CDC14A: variants seen among roughly 807,000 people sequenced by gnomAD.
CDC14A encodes the protein cell division cycle 14A.
Under a neutral mutation model 74.4 loss-of-function variants are expected in CDC14A, and 53 were observed. That is an observed-to-expected ratio of 0.71 (90% CI 0.57 to 0.89). The LOEUF (loss-of-function observed/expected upper bound fraction) is 0.89, where lower values mean the gene tolerates loss of function less well. CDC14A is among the 40% of genes least tolerant of loss of function. The probability of loss-of-function intolerance (pLI) is 0.00; values close to 1 mark genes in which losing one functional copy is unlikely to be tolerated. For synonymous variants in CDC14A, 247 were observed against 258.4 expected, an observed-to-expected ratio of 0.96 and a Z score of 0.43; for missense variants, 646 against 713.7, an observed-to-expected ratio of 0.91 and a Z score of 1.08.
intron 15 of CDC14A, among the ~76,000 whole-genome samples, chr1:100,513,757 G>T (rs1429948615): frequency 3.3e-5 from 5 of 152,080 alleles, no homozygotes; most frequent in African/African-American, 1.2e-4. Flanking sequence ...AAATTTTAAA[G>T]TTACTACCTA....
At chr1:100,370,513 TCATTC>T (rs1394775583) in intron 2 of CDC14A, among the ~76,000 whole-genome samples, 2 of 152,232 alleles carry the variant, frequency 1.3e-5, no homozygotes, top group Non-Finnish European at 2.9e-5. Flanking sequence ...GAGACCAGTT[TCATTC>T]TTTTGCATTT....
At chr1:100,389,251 A>G (rs1193242914) in intron 3 of CDC14A, among the ~76,000 whole-genome samples, 1 of 149,580 alleles carries the variant, frequency 6.7e-6, no homozygotes. Flanking sequence ...TGATTCTAGG[A>G]GTTCGAGACC....
intron 5 of CDC14A, among the ~76,000 whole-genome samples, chr1:100,439,124 TTAAA>T (rs1273755949): frequency 3.9e-5 from 6 of 152,216 alleles, no homozygotes; most frequent in African/African-American, 9.6e-5. Context: ...CTCTAAAAAC[TTAAA>T]TAAAGTATGA....
rs1005252549 is a variant in CDC14A, at chr1:100,508,387, T to C, written c.1755+9125T>C. On this transcript the variant is annotated intron_variant, in intron 15 of 15. Transcript: ENST00000336454. This position sits in a 1 kb window ranked among gnomAD's most constrained non-coding sequence, Gnocchi z 4.4. Reference sequence around the variant, plus strand: ...TATTTGCATTTCATCCTGTGAGAGTTTGCCTTGTGGTTGCATACTTCGTCA... The same window carrying C: ...TATTTGCATTTCATCCTGTGAGAGTCTGCCTTGTGGTTGCATACTTCGTCA... Among the ~76,000 whole-genome samples the C allele has an allele frequency of 6.6e-6, 1 of 152,158 alleles. No homozygotes were observed. Among genetic ancestry groups the C allele is most frequent in the Non-Finnish European group, 1.5e-5 (1 of 68,018 alleles).
At chr1:100,420,057 C>CATATATATATATATATATAT (rs1383225482) in intron 4 of CDC14A, among the ~76,000 whole-genome samples, 3 of 30,562 alleles carry the variant, frequency 9.8e-5, no homozygotes, top group Admixed American at 7.7e-4. Context: ...CACACACACA[C>CATATATATATATATATATAT]ACACACATAT....
rs972298578 is a variant in CDC14A, at chr1:100,442,355, A to G, written c.457-579A>G. Among the ~76,000 whole-genome samples the G allele has an allele frequency of 8.6e-4, 126 of 146,400 alleles. 1 individual carries two copies. Among genetic ancestry groups the G allele is most frequent in the African/African-American group, 3.0e-3 (122 of 40,228 alleles). ...TATGTATTATATATAAATATACTAT[A>G]TTATATATAGTATATATAAATATAT... On this transcript the variant is annotated intron_variant, in intron 6 of 15. Transcript: ENST00000336454.
At chr1:100,503,970 C>T (rs1021700042) in intron 15 of CDC14A, among the ~76,000 whole-genome samples, 1 of 152,196 alleles carries the variant, frequency 6.6e-6, no homozygotes, top group African/African-American at 2.4e-5. Context: ...CTCCCATAAG[C>T]CTCTCTACAT....
At position 100,518,536 on chromosome 1, in the gene CDC14A, T is replaced by C. The variant is rs10783134; in HGVS notation, c.*256T>C. On this transcript the variant is annotated 3_prime_UTR_variant, in exon 16 of 16. Coordinates refer to ENST00000336454, the MANE Select transcript of CDC14A (RefSeq NM_003672.4). ...GACAGTTTTAATGTTGAATTTGGTA[T>C]TTTGAAGGGTTATTTTTAATGTATT... The C allele has an allele frequency of 0.93, 352,197 of 379,126 alleles. 167,697 individuals are homozygous for C. The highest frequency in any genetic ancestry group is 1 in the Non-Finnish European group (207,501 of 208,504). The allele number at this position is 379,126 out of a possible 1,614,324, so 23.5% of individuals were successfully genotyped here.
chr1:100,406,401 A>AT (rs1383434964), intron 4 of CDC14A, among the ~76,000 whole-genome samples: 1 of 151,886 alleles, frequency 6.6e-6, no homozygotes, highest in Non-Finnish European at 1.5e-5. Context: ...CCATTTGTCA[A>AT]TTTTTTCTTT....
chr1:100,511,921 C>A (rs1300249898), intron 15 of CDC14A, among the ~76,000 whole-genome samples: 1 of 152,176 alleles, frequency 6.6e-6, no homozygotes, highest in Non-Finnish European at 1.5e-5. Flanking sequence ...ACTCTGCCTA[C>A]TGGGTCAAGT....
intron 7 of CDC14A, among the ~76,000 whole-genome samples, chr1:100,447,608 G>T (rs1470410628): frequency 3.9e-5 from 6 of 152,178 alleles, no homozygotes; most frequent in Admixed American, 3.9e-4. Context: ...TTCAAATCTA[G>T]TTCAGAAAAA....
chr1:100,365,844 C>A (rs1468476796), intron 2 of CDC14A, among the ~76,000 whole-genome samples: 1 of 151,896 alleles, frequency 6.6e-6, no homozygotes, highest in Admixed American at 6.6e-5. Flanking sequence ...GAAACTTTAT[C>A]ATCTGACTGG....
intron 4 of CDC14A, among the ~76,000 whole-genome samples, chr1:100,415,258 C>G (rs1038049661): frequency 6.6e-6 from 1 of 152,088 alleles, no homozygotes; most frequent in Non-Finnish European, 1.5e-5. Context: ...CTATTCTAAA[C>G]GAATTGTCAA....
intron 8 of CDC14A, among the ~76,000 whole-genome samples, chr1:100,455,815 C>G (rs1241311050): frequency 1.3e-5 from 2 of 152,176 alleles, no homozygotes; most frequent in South Asian, 2.1e-4. Context: ...TTCAGTGGTT[C>G]TCAGATTTAT....
intron 2 of CDC14A, among the ~76,000 whole-genome samples, chr1:100,369,670 A>G (rs1002138245): frequency 6.6e-6 from 1 of 151,760 alleles, no homozygotes; most frequent in African/African-American, 2.4e-5. Flanking sequence ...CCCCTTCTGT[A>G]TGTTGTCTGT....
At chr1:100,502,809 T>G (rs1295129805) in intron 15 of CDC14A, among the ~76,000 whole-genome samples, 1 of 152,224 alleles carries the variant, frequency 6.6e-6, no homozygotes, top group African/African-American at 2.4e-5. Flanking sequence ...TGTTATTTCT[T>G]TTCACTTCTC....
At position 100,508,502 on chromosome 1, in the gene CDC14A, TTCTC is replaced by T. The variant is rs924243872; in HGVS notation, c.1755+9246_1755+9249del. Among the ~76,000 whole-genome samples the T allele has an allele frequency of 2.0e-5, 3 of 152,122 alleles. No individual in the cohort carries two copies. The highest frequency in any genetic ancestry group is 7.2e-5 in the African/African-American group (3 of 41,426). On this transcript the variant is annotated intron_variant, in intron 15 of 15. Coordinates refer to ENST00000336454, the MANE Select transcript of CDC14A (RefSeq NM_003672.4). This position sits in a 1 kb window ranked among gnomAD's most constrained non-coding sequence, Gnocchi z 4.4. ...GAGTGTTGGTGTGTTTCTCTCCTCT[TTCTC>T]TCTCTGTTTTTCCCTCCTCGTCTGC...
chr1:100,406,647 G>C (rs978593974), intron 4 of CDC14A, among the ~76,000 whole-genome samples: 3 of 152,244 alleles, frequency 2.0e-5, no homozygotes, highest in African/African-American at 7.2e-5. Flanking sequence ...GTTCTGGCCA[G>C]GCACGTTTGC....
intron 5 of CDC14A, among the ~76,000 whole-genome samples, chr1:100,439,518 A>T (rs1041640209): frequency 1.2e-4 from 18 of 152,332 alleles, no homozygotes; most frequent in Non-Finnish European, 2.4e-4. Flanking sequence ...CCTATGTACC[A>T]GCCACTATAT....
Sources: allele counts gnomAD v4.1 joint callset (sites outside exome capture counted in the v4.1 genomes callset), GRCh38; gene constraint gnomAD v4.1.1; non-coding constraint Gnocchi (gnomAD v3.1); transcripts MANE v1.5; gene names NCBI Gene and HGNC (gene_info 2026-07-23, HGNC 2026-07-21).